The following SLCO5A1 variants were observed in gnomAD, a reference collection of about 807,000 sequenced individuals.
The protein encoded by SLCO5A1 is organic anion transporter polypeptide-related protein 4.
SLCO5A1 carries 39 observed loss-of-function variants against 65.1 expected under a neutral mutation model. The ratio of observed to expected loss-of-function variants is 0.60; its 90% CI spans 0.46 to 0.78. The LOEUF is 0.78. Ranked by LOEUF, SLCO5A1 falls within the 30% of genes least tolerant of loss-of-function variation. The pLI, the probability that SLCO5A1 is intolerant of heterozygous loss-of-function variation, is 0.00. For synonymous variants in SLCO5A1, 438 were observed against 415.7 expected, an observed-to-expected ratio of 1.05 and a Z score of -0.65; for missense variants, 1,029 against 1,069.4, an observed-to-expected ratio of 0.96 and a Z score of 0.53.
chr8:69,771,012 T>C (rs569803020), intron 2 of SLCO5A1, among the ~76,000 whole-genome samples: 1 of 152,310 alleles, frequency 6.6e-6, no homozygotes, highest in East Asian at 1.9e-4. Flanking sequence ...TAGATGGAGT[T>C]ACACTCTTGT....
intron 4 of SLCO5A1, among the ~76,000 whole-genome samples, chr8:69,755,027 A>T (rs893629935): frequency 6.6e-6 from 1 of 152,210 alleles, no homozygotes; most frequent in Non-Finnish European, 1.5e-5. Flanking sequence ...TAAAAATCAG[A>T]CATCTCTAAT....
chr8:69,815,347 C>CA (rs1468920193), intron 2 of SLCO5A1, among the ~76,000 whole-genome samples: 1 of 152,058 alleles, frequency 6.6e-6, no homozygotes, highest in Non-Finnish European at 1.5e-5. Flanking sequence ...TTTAAACACT[C>CA]AAAAATATTT....
At chr8:69,742,079 T>C (rs1349150519) in intron 4 of SLCO5A1, among the ~76,000 whole-genome samples, 1 of 152,180 alleles carries the variant, frequency 6.6e-6, no homozygotes, top group Non-Finnish European at 1.5e-5. Flanking sequence ...TTAGGAAACA[T>C]ACACTGAAGT....
chr8:69,816,578 A>G (rs1415672007), intron 2 of SLCO5A1, among the ~76,000 whole-genome samples: 2 of 152,214 alleles, frequency 1.3e-5, no homozygotes, highest in African/African-American at 2.4e-5. Flanking sequence ...ATGAACCCAT[A>G]GTCTCTACCT....
intron 6 of SLCO5A1, among the ~76,000 whole-genome samples, chr8:69,691,308 T>C (rs908139270): frequency 5.9e-5 from 9 of 152,212 alleles, no homozygotes; most frequent in Admixed American, 5.9e-4. Flanking sequence ...ACTCATCAGA[T>C]TTTTAAGTCT....
intron 2 of SLCO5A1, among the ~76,000 whole-genome samples, chr8:69,780,301 G>T (rs919096666): frequency 2.0e-5 from 3 of 152,074 alleles, no homozygotes; most frequent in African/African-American, 7.2e-5. Context: ...CCACTACTGG[G>T]GTATCTACCC....
chr8:69,672,385 G>T lies in SLCO5A1; in HGVS notation c.*484C>A. ...TATTCCGTGAAAGTAAATGTAACAT[G>T]CTGCACATACATTTTTCCAATCAAA... On this transcript the variant is annotated 3_prime_UTR_variant, in exon 10 of 10. Coordinates refer to ENST00000260126, the MANE Select transcript of SLCO5A1 (RefSeq NM_030958.3). 6.0e-6 allele frequency: 1 copy of T among 165,708 alleles called. No individual in the cohort carries two copies. The highest frequency in any genetic ancestry group is 1.3e-5 in the Non-Finnish European group (1 of 74,614). The allele number at this position is 165,708 out of a possible 1,614,324, so 10.3% of individuals were successfully genotyped here. A position where few individuals can be genotyped will look rare whatever the true frequency, so the allele number is the denominator to read the frequency against.
intron 5 of SLCO5A1, among the ~76,000 whole-genome samples, chr8:69,722,320 A>G (rs1037557166): frequency 1.4e-4 from 22 of 152,218 alleles, no homozygotes; most frequent in African/African-American, 5.3e-4. Flanking sequence ...ATTCACATCA[A>G]TTATTTAATT....
chr8:69,734,416 C>T (rs968097717), intron 5 of SLCO5A1, among the ~76,000 whole-genome samples: 1 of 152,242 alleles, frequency 6.6e-6, no homozygotes, highest in African/African-American at 2.4e-5. Context: ...TGAAATGAAA[C>T]TCAACCACAC....
chr8:69,699,702 G>A (rs113894859), intron 6 of SLCO5A1, among the ~76,000 whole-genome samples: 4,303 of 152,198 alleles, frequency 0.028, 218 homozygotes, highest in African/African-American at 0.097. Flanking sequence ...AGGACACAGA[G>A]ACAAATTAGG....
At chr8:69,766,465 C>T (rs558501495) in intron 2 of SLCO5A1, among the ~76,000 whole-genome samples, 4 of 152,260 alleles carry the variant, frequency 2.6e-5, no homozygotes, top group Admixed American at 2.0e-4. Context: ...GGCACATCTC[C>T]ACCTTAGGGT....
chr8:69,762,931 A>G (rs1386216257), intron 2 of SLCO5A1, among the ~76,000 whole-genome samples: 1 of 152,210 alleles, frequency 6.6e-6, no homozygotes, highest in Non-Finnish European at 1.5e-5. Flanking sequence ...TTTTTAAAGC[A>G]CATGCCCAAA....
chr8:69,804,010 G>C (rs1456401916), intron 2 of SLCO5A1, among the ~76,000 whole-genome samples: 1 of 152,158 alleles, frequency 6.6e-6, no homozygotes, highest in Non-Finnish European at 1.5e-5. Context: ...AGGGAAAGGA[G>C]AGGAAGAAAT....
chr8:69,762,138 CTTT>C (rs1817811262), intron 2 of SLCO5A1, among the ~76,000 whole-genome samples: 1 of 31,112 alleles, frequency 3.2e-5, no homozygotes, highest in African/African-American at 9.8e-5. Context: ...TTCTTTCTTT[CTTT>C]CTTTCTTTCT....
At chr8:69,825,632 A>G (rs1820850351) in intron 2 of SLCO5A1, among the ~76,000 whole-genome samples, 1 of 152,206 alleles carries the variant, frequency 6.6e-6, no homozygotes, top group South Asian at 2.1e-4. Flanking sequence ...ATAAAAGAGG[A>G]CACAAACAAA....
intron 2 of SLCO5A1, among the ~76,000 whole-genome samples, chr8:69,814,548 C>G (rs988231292): frequency 3.3e-5 from 5 of 152,156 alleles, no homozygotes; most frequent in Non-Finnish European, 7.4e-5. Context: ...AACTTGTACA[C>G]TGCTAATGGA....
At chr8:69,728,259 A>T (rs988425049) in intron 5 of SLCO5A1, among the ~76,000 whole-genome samples, 1 of 152,312 alleles carries the variant, frequency 6.6e-6, no homozygotes, top group African/African-American at 2.4e-5. Context: ...ATTTAAAAAG[A>T]AATAAAAAAG....
chr8:69,754,829 G>A (rs1817475176), intron 4 of SLCO5A1, among the ~76,000 whole-genome samples: 1 of 151,992 alleles, frequency 6.6e-6, no homozygotes, highest in Non-Finnish European at 1.5e-5. Context: ...CTTTTACACT[G>A]CATTTGGAGG....
Position 69,781,345 on chromosome 8 carries a change from T to C in SLCO5A1, c.908-19470A>G, listed in dbSNP as rs559476524. Among the ~76,000 whole-genome samples the C allele has an allele frequency of 1.2e-4, 18 of 152,372 alleles. No individual in the cohort carries two copies. In the South Asian group the frequency reaches 3.7e-3, roughly 32 times the overall value. ...GGATTTTATAGACATTTGAGTGATA[T>C]AAACCCTTTAGGACACCTTTAACAC... On this transcript the variant is annotated intron_variant, in intron 2 of 9. Transcript: ENST00000260126.
Sources: gnomAD v4.1 joint callset for allele counts (sites outside exome capture counted in the v4.1 genomes callset) on GRCh38, gnomAD v4.1.1 for gene constraint, MANE v1.5 for transcripts, NCBI Gene and HGNC (gene_info 2026-07-23, HGNC 2026-07-21) for gene names.